TMPRSS15: variants seen among roughly 807,000 people sequenced by gnomAD.
TMPRSS15 encodes enteropeptidase.
In TMPRSS15, 128 loss-of-function variants were observed where a neutral mutation model predicts 125.3. That is an observed-to-expected ratio of 1.02 (90% CI 0.89 to 1.18). The LOEUF is 1.18. TMPRSS15 is among the 50% of genes most tolerant of loss of function. The pLI, the probability that TMPRSS15 is intolerant of heterozygous loss-of-function variation, is 0.00. For missense variants in TMPRSS15, 1,283 were observed against 1,212.7 expected, an observed-to-expected ratio of 1.06 and a Z score of -0.86; for synonymous variants, 446 against 423.2, an observed-to-expected ratio of 1.05 and a Z score of -0.66.
chr21:18,297,533 A>G lies in TMPRSS15; in HGVS notation c.2261+201T>C, dbSNP rs11702854. Among the ~76,000 whole-genome samples, 1,249 of 152,304 alleles carry G rather than the reference A, an allele frequency of 8.2e-3. 11 individuals are homozygous for G. The highest frequency in any genetic ancestry group is 9.8e-3 in the Non-Finnish European group (664 of 67,996). Reference sequence around the variant, plus strand: ...TACATACAGAATATTTCTTTTGACCATCTTATATGTATTAGGGTTAGAAAC... The same window carrying G: ...TACATACAGAATATTTCTTTTGACCGTCTTATATGTATTAGGGTTAGAAAC... On this transcript the variant is annotated intron_variant, in intron 19 of 24. Transcript: ENST00000284885.
At chr21:18,314,885 T>G (rs557965083) in intron 17 of TMPRSS15, among the ~76,000 whole-genome samples, 1 of 152,284 alleles carries the variant, frequency 6.6e-6, no homozygotes, top group African/African-American at 2.4e-5. Flanking sequence ...CTCGGCTTCC[T>G]ATATGGATAT....
intron 16 of TMPRSS15, among the ~76,000 whole-genome samples, chr21:18,320,361 CT>C (rs1279790937): frequency 1.3e-5 from 2 of 151,912 alleles, no homozygotes; most frequent in Non-Finnish European, 2.9e-5. Context: ...TATCTTATTA[CT>C]TTTTTCATAG....
In TMPRSS15 at chr21:18,280,995, TA is replaced by T. The variant is rs768845703; in HGVS notation, c.2668+44del. On this transcript the variant is annotated intron_variant, in intron 22 of 24. Coordinates refer to ENST00000284885, the MANE Select transcript of TMPRSS15 (RefSeq NM_002772.3). The stretch of plus-strand genomic sequence containing the variant: ...TAATATTTGAAATCTAGTTTTGAAT[TA>T]ATTTTGGCAGATAAGATGACTAAGA... The T allele has an allele frequency of 1.9e-6, 3 of 1,580,650 alleles. No individual in the cohort carries two copies. The African/African-American group carries it at 4.1e-5, about 21-fold the overall frequency.
Position 18,367,036 on chromosome 21 carries a change from A to T in TMPRSS15, c.665-1788T>A, listed in dbSNP as rs1020758746. On this transcript the variant is annotated intron_variant, in intron 6 of 24. Transcript: ENST00000284885. ...GTTTTTGCTTTTTTTTGGTATATAT[A>T]TATTTTCAGGTGCATAAAAATTTAC... Among the ~76,000 whole-genome samples the T allele has an allele frequency of 1.5e-4, 23 of 152,174 alleles. No homozygotes were observed. The East Asian group carries it at 3.9e-3, about 26-fold the overall frequency.
chr21:18,297,196 G>C (rs113142838), intron 19 of TMPRSS15, among the ~76,000 whole-genome samples: 1 of 152,124 alleles, frequency 6.6e-6, no homozygotes, highest in Admixed American at 6.5e-5. Flanking sequence ...CTTAGTAAAG[G>C]CTATAAAAGT....
chr21:18,449,995 T>C (rs182948642), intron 1 of TMPRSS15, among the ~76,000 whole-genome samples: 2 of 152,050 alleles, frequency 1.3e-5, no homozygotes, highest in East Asian at 1.9e-4. Context: ...TTAAGCCCAG[T>C]TTTTCATTAA....
rs751154905 is a variant in TMPRSS15, at chr21:18,341,472, C to A, written c.1505G>T (p.Cys502Phe). The A allele has an allele frequency of 1.2e-6, 2 of 1,614,144 alleles. No individual in the cohort carries two copies. The highest frequency in any genetic ancestry group is 3.3e-5 in the Admixed American group (2 of 60,024). The change falls in exon 13 of 25, where the codon TGC becomes TTC. Residue 502 changes from cysteine to phenylalanine, a missense_variant. Physicochemically the swap from Cys to Phe is radical, Grantham distance 205 (BLOSUM62 -2). Transcript: ENST00000284885. ...LDDISLTYGI[C>F]NGSLYPEPTL... is the part of the protein sequence containing the mutation. ...TGGTTCTGGATAAAGACTCCCATTGCAAATCCCATATGTTAGGCTAATGTC... is the reference window on the plus strand; with the variant it reads ...TGGTTCTGGATAAAGACTCCCATTGAAAATCCCATATGTTAGGCTAATGTC...
intron 21 of TMPRSS15, among the ~76,000 whole-genome samples, chr21:18,291,637 A>G (rs2074836439): frequency 1.3e-5 from 2 of 152,220 alleles, no homozygotes. Context: ...GACAGATAAG[A>G]GCCAGTATTA....
intron 1 of TMPRSS15, among the ~76,000 whole-genome samples, chr21:18,457,037 G>C (rs549220850): frequency 3.7e-4 from 57 of 152,178 alleles, no homozygotes; most frequent in Middle Eastern, 3.4e-3. Flanking sequence ...AGAGACATTT[G>C]AATTTGTTCT....
chr21:18,339,615 C>T (rs2075427398), intron 13 of TMPRSS15, among the ~76,000 whole-genome samples: 1 of 152,088 alleles, frequency 6.6e-6, no homozygotes, highest in African/African-American at 2.4e-5. Flanking sequence ...ACAAAACACA[C>T]ATGAGGTTTA....
intron 8 of TMPRSS15, among the ~76,000 whole-genome samples, chr21:18,354,311 C>T (rs747440676): frequency 2.0e-5 from 3 of 151,700 alleles, no homozygotes; most frequent in South Asian, 2.1e-4. Context: ...TGGCTCTTTA[C>T]GCTTGTAACT....
At chr21:18,448,629 G>C (rs1465163635) in intron 1 of TMPRSS15, among the ~76,000 whole-genome samples, 1 of 151,926 alleles carries the variant, frequency 6.6e-6, no homozygotes, top group Non-Finnish European at 1.5e-5. Flanking sequence ...TATGAAACTT[G>C]AATTTATTAC....
At chr21:18,428,373 C>T (rs1307302184) in intron 1 of TMPRSS15, among the ~76,000 whole-genome samples, 1 of 152,142 alleles carries the variant, frequency 6.6e-6, no homozygotes, top group Non-Finnish European at 1.5e-5. Flanking sequence ...TTCAAGCAGG[C>T]TGCAGAAATT....
intron 1 of TMPRSS15, among the ~76,000 whole-genome samples, chr21:18,424,406 C>G (rs1473748718): frequency 6.6e-6 from 1 of 152,152 alleles, no homozygotes; most frequent in African/African-American, 2.4e-5. Flanking sequence ...TTTTGCAACA[C>G]TCTTGTTTTG....
intron 6 of TMPRSS15, among the ~76,000 whole-genome samples, chr21:18,370,121 A>G (rs1229967169): frequency 6.6e-6 from 1 of 152,062 alleles, no homozygotes; most frequent in East Asian, 1.9e-4. Context: ...GTTTGACTAT[A>G]TTTTTAAAGC....
intron 1 of TMPRSS15, among the ~76,000 whole-genome samples, chr21:18,485,398 T>C (rs535685254): frequency 6.6e-6 from 1 of 152,114 alleles, no homozygotes; most frequent in Non-Finnish European, 1.5e-5. Flanking sequence ...CTTGATGTCA[T>C]CGGGAAATAC....
At position 18,343,983 on chromosome 21, in the gene TMPRSS15, T is replaced by A. The variant is rs747727417; in HGVS notation, c.1249A>T (p.Thr417Ser). Reference protein sequence around the residue: ...VGLLSLPLDPTLEPACLSFWY... With the variant: ...VGLLSLPLDPSLEPACLSFWY... ...AAACTAAGGCAAGCTGGCTCCAAAGTGGGGTCCAAAGGGAGGCTTAAAAGC... is the reference window on the plus strand; with the variant it reads ...AAACTAAGGCAAGCTGGCTCCAAAGAGGGGTCCAAAGGGAGGCTTAAAAGC... The change falls in exon 11 of 25, where the codon ACT becomes TCT. Residue 417 changes from threonine to serine, a missense_variant. By Grantham distance (58) the Thr-to-Ser change is moderately conservative. Transcript: ENST00000284885. 1 of 1,614,116 alleles carries A rather than the reference T, an allele frequency of 6.2e-7. No homozygotes were observed. Among genetic ancestry groups the A allele is most frequent in the Non-Finnish European group, 8.5e-7 (1 of 1,180,026 alleles).
intron 18 of TMPRSS15, among the ~76,000 whole-genome samples, chr21:18,305,435 T>G (rs139471633): frequency 0.12 from 18,859 of 151,922 alleles, 1,390 homozygotes; most frequent in East Asian, 0.34. Context: ...TGATCCGCCC[T>G]TCTCGGCCTC....
chr21:18,300,124 TGGATATA>T (rs369262431), intron 18 of TMPRSS15, among the ~76,000 whole-genome samples: 115,060 of 151,692 alleles, frequency 0.76, 43,820 homozygotes, highest in African/African-American at 0.82. Context: ...GCTCGTCTCT[TGGATATA>T]TCCCCCGTCT....
Sources: allele counts gnomAD v4.1 joint callset (sites outside exome capture counted in the v4.1 genomes callset), GRCh38; gene constraint gnomAD v4.1.1; transcripts MANE v1.5; gene names NCBI Gene and HGNC (gene_info 2026-07-23, HGNC 2026-07-21).